Variants in KCNK1 observed in about 807,000 individuals in gnomAD.
KCNK1 encodes potassium channel subfamily K member 1.
A neutral mutation model predicts 22.2 loss-of-function variants in KCNK1; 10 were observed. That is an observed-to-expected ratio of 0.45 (90% CI 0.28 to 0.76). The LOEUF is 0.76. Ranked by LOEUF, KCNK1 falls within the 30% of genes least tolerant of loss-of-function variation. The probability of loss-of-function intolerance (pLI) is 0.14; values close to 1 mark genes in which losing one functional copy is unlikely to be tolerated. For missense variants in KCNK1, 378 were observed against 421.0 expected (o/e 0.90, Z 0.89); for synonymous variants, 200 against 186.4 (o/e 1.07, Z -0.60).
At chr1:233,662,748 G>T (rs1224768036) in intron 1 of KCNK1, among the ~76,000 whole-genome samples, 1 of 152,138 alleles carries the variant, frequency 6.6e-6, no homozygotes, top group African/African-American at 2.4e-5. Context: ...TGGAGTAGGA[G>T]GCTAGAATAC....
At chr1:233,647,607 G>A (rs771563613) in intron 1 of KCNK1, among the ~76,000 whole-genome samples, 25 of 152,156 alleles carry the variant, frequency 1.6e-4, no homozygotes, top group Admixed American at 2.6e-4. Flanking sequence ...GGGAGGGAGG[G>A]CTGCCTTGTC....
intron 1 of KCNK1, chr1:233,630,658 ACTTGCGAAGTCTT>A (rs1182842897): frequency 1.3e-5 from 2 of 152,298 alleles, no homozygotes; most frequent in African/African-American, 4.8e-5. Context: ...ACAGAATCAC[ACTTGCGAAGTCTT>A]CTTTTCCTTC....
intron 1 of KCNK1, among the ~76,000 whole-genome samples, chr1:233,659,300 G>A (rs1212256249): frequency 6.6e-6 from 1 of 151,306 alleles, no homozygotes; most frequent in Non-Finnish European, 1.5e-5. Context: ...TGTCCCACTG[G>A]AAGGTCTTCA....
In KCNK1 at chr1:233,666,938, T is replaced by C. The variant is rs1658500925; in HGVS notation, c.699T>C (p.Pro233=). 1.9e-6 allele frequency: 3 copies of C among 1,613,700 alleles called. No individual in the cohort carries two copies. In the South Asian group the frequency reaches 3.3e-5, roughly 18 times the overall value. The change falls in exon 2 of 3, where the codon CCT becomes CCC. Residue 233 remains proline, a synonymous_variant. Coordinates refer to ENST00000366621, the MANE Select transcript of KCNK1 (RefSeq NM_002245.4). ...CCATTGGCCTGGGGGATTATGTGCC[T>C]GGGGAAGGCTACAATCAAAAATTCA... ...LSTIGLGDYV[P]GEGYNQKFRE... is the part of the protein sequence containing the mutation.
rs945313188 is a variant in KCNK1, at chr1:233,671,921, C to CA, written c.*402dup. 944 of 152,800 alleles carry CA rather than the reference C, an allele frequency of 6.2e-3. No individual in the cohort carries two copies. The highest frequency in any genetic ancestry group is 0.016 in the Middle Eastern group (5 of 316). The allele number at this position is 152,800 out of a possible 1,614,324, so 9.5% of individuals were successfully genotyped here. ...AAATAGCAAAATTTATATTTAGAAG[C>CA]AAAAAAAAAAAGCATAGAGATGTGT... On this transcript the variant is annotated 3_prime_UTR_variant, in exon 3 of 3. Coordinates refer to ENST00000366621, the MANE Select transcript of KCNK1 (RefSeq NM_002245.4).
At chr1:233,632,537 G>A (rs1481748535) in intron 1 of KCNK1, among the ~76,000 whole-genome samples, 1 of 152,084 alleles carries the variant, frequency 6.6e-6, no homozygotes, top group Non-Finnish European at 1.5e-5. Flanking sequence ...TGTAGATGCT[G>A]CTGCTGGCTG....
intron 1 of KCNK1, among the ~76,000 whole-genome samples, chr1:233,635,906 C>T (rs545623844): frequency 3.9e-5 from 6 of 152,132 alleles, no homozygotes; most frequent in African/African-American, 7.2e-5. Flanking sequence ...TTGAAGAGAA[C>T]GTTGATATTT....
At chr1:233,668,039 T>C (rs73105598) in intron 2 of KCNK1, among the ~76,000 whole-genome samples, 177 of 152,304 alleles carry the variant, frequency 1.2e-3, no homozygotes, top group African/African-American at 3.5e-3. Context: ...TTTTTAACAG[T>C]TTTCATTTTA....
chr1:233,659,050 GTTTAC>G (rs948739071), intron 1 of KCNK1, among the ~76,000 whole-genome samples: 43 of 150,650 alleles, frequency 2.9e-4, no homozygotes, highest in Admixed American at 6.6e-4. Flanking sequence ...TTTGTCACTT[GTTTAC>G]TTTATAAACT....
At chr1:233,618,330 A>G (rs1223920879) in intron 1 of KCNK1, among the ~76,000 whole-genome samples, 1 of 151,796 alleles carries the variant, frequency 6.6e-6, no homozygotes, top group African/African-American at 2.4e-5. Context: ...GTTGTATACA[A>G]AAAAAAAGGA....
Position 233,671,688 on chromosome 1 carries a change from C to A in KCNK1, c.*158C>A. 1.2e-6 allele frequency: 1 copy of A among 803,834 alleles called. No individual in the cohort carries two copies. Among genetic ancestry groups the A allele is most frequent in the Non-Finnish European group, 1.9e-6 (1 of 522,012 alleles). The allele number at this position is 803,834 out of a possible 1,614,324, so 49.8% of individuals were successfully genotyped here. On this transcript the variant is annotated 3_prime_UTR_variant, in exon 3 of 3. Coordinates refer to ENST00000366621, the MANE Select transcript of KCNK1 (RefSeq NM_002245.4). ...CTTATTAAAAAACAACAAAAAAAGACAAATGGAACAAAGAAGCTGTGACCC... is the reference window on the plus strand; with the variant it reads ...CTTATTAAAAAACAACAAAAAAAGAAAAATGGAACAAAGAAGCTGTGACCC...
chr1:233,656,603 ATTAT>A (rs1329172097), intron 1 of KCNK1, among the ~76,000 whole-genome samples: 1 of 152,148 alleles, frequency 6.6e-6, no homozygotes, highest in Non-Finnish European at 1.5e-5. Context: ...CAAAGCTTCA[ATTAT>A]TTATTTCTTT....
rs377600307 is a variant in KCNK1 at position 233,666,688 on chromosome 1, C to G, written c.449C>G (p.Thr150Arg). The change falls in exon 2 of 3, where the codon ACG (threonine) becomes AGG (arginine). Residue 150 changes from threonine (T) to arginine (R), a missense_variant. Transcript: ENST00000366621. ...ATTCCCTTCACCCTCCTGTTCCTGA[C>G]GGCTGTGGTCCAGCGCATCACCGTG... Reference protein sequence around the residue: ...IGIPFTLLFLTAVVQRITVHV... With the variant: ...IGIPFTLLFLRAVVQRITVHV... 74 of 1,614,036 alleles carry G rather than the reference C, an allele frequency of 4.6e-5. No individual in the cohort carries two copies. The highest frequency in any genetic ancestry group is 5.7e-5 in the Non-Finnish European group (67 of 1,180,052).
At chr1:233,665,451 C>G (rs1658471898) in intron 1 of KCNK1, among the ~76,000 whole-genome samples, 1 of 152,206 alleles carries the variant, frequency 6.6e-6, no homozygotes, top group African/African-American at 2.4e-5. Flanking sequence ...AGCCACTTCA[C>G]AAGTCAATTG....
chr1:233,667,729 CAAAAA>C (rs71170433), intron 2 of KCNK1, among the ~76,000 whole-genome samples: 72 of 86,096 alleles, frequency 8.4e-4, no homozygotes, highest in Non-Finnish European at 9.7e-4. Flanking sequence ...GACTCCGTCT[CAAAAA>C]AAAAAAAAAA....
intron 1 of KCNK1, among the ~76,000 whole-genome samples, chr1:233,639,003 G>T (rs1255098031): frequency 6.6e-6 from 1 of 152,204 alleles, no homozygotes; most frequent in African/African-American, 2.4e-5. Context: ...AGGTTCCTCT[G>T]ATCCAAGTCT....
intron 1 of KCNK1, among the ~76,000 whole-genome samples, chr1:233,659,559 A>G (rs1658355892): frequency 6.6e-6 from 1 of 151,782 alleles, no homozygotes; most frequent in South Asian, 2.1e-4. Flanking sequence ...ATTTATTATC[A>G]TTGTCAATAT....
At chr1:233,664,016 G>C (rs1251103870) in intron 1 of KCNK1, among the ~76,000 whole-genome samples, 1 of 152,086 alleles carries the variant, frequency 6.6e-6, no homozygotes, top group Non-Finnish European at 1.5e-5. Context: ...ATTTTTAGTA[G>C]AGATGGGGTT....
intron 1 of KCNK1, among the ~76,000 whole-genome samples, chr1:233,626,681 T>C (rs1319284224): frequency 6.6e-6 from 1 of 152,150 alleles, no homozygotes; most frequent in Non-Finnish European, 1.5e-5. Flanking sequence ...TGCCATTTAA[T>C]GAATACATTT....
Sources: gnomAD v4.1 joint callset for allele counts (sites outside exome capture counted in the v4.1 genomes callset) on GRCh38, gnomAD v4.1.1 for gene constraint, MANE v1.5 for transcripts, NCBI Gene and HGNC (gene_info 2026-07-23, HGNC 2026-07-21) for gene names.